Variants in CCSER1 observed in about 807,000 individuals in gnomAD.
CCSER1 encodes the protein serine-rich coiled-coil domain-containing protein 1.
CCSER1 carries 41 observed loss-of-function variants against 82.0 expected under a neutral mutation model. The ratio of observed to expected loss-of-function variants is 0.50; its 90% CI spans 0.39 to 0.65. The LOEUF (loss-of-function observed/expected upper bound fraction) is 0.65, where lower values mean the gene tolerates loss of function less well. Among genes scored for constraint, CCSER1 ranks in the 30% least tolerant of loss-of-function variants. The probability of loss-of-function intolerance (pLI) is 0.00; values close to 1 mark genes in which losing one functional copy is unlikely to be tolerated. For synonymous variants in CCSER1, 414 were observed against 383.9 expected, an observed-to-expected ratio of 1.08 and a Z score of -0.92; for missense variants, 1,119 against 1,064.2, an observed-to-expected ratio of 1.05 and a Z score of -0.72.
intron 7 of CCSER1, among the ~76,000 whole-genome samples, chr4:90,756,299 C>T (rs1433942038): frequency 6.6e-6 from 1 of 152,048 alleles, no homozygotes; most frequent in Admixed American, 6.6e-5. Context: ...ACTCTCTTTC[C>T]AAATTCTAAA....
chr4:91,026,703 C>A (rs1435873724), intron 9 of CCSER1, among the ~76,000 whole-genome samples: 3 of 151,860 alleles, frequency 2.0e-5, no homozygotes, highest in Non-Finnish European at 4.4e-5. Context: ...TCATTAGGTA[C>A]CATTTTAGCA....
chr4:90,908,446 T>C (rs1725825472), intron 8 of CCSER1, among the ~76,000 whole-genome samples: 1 of 152,142 alleles, frequency 6.6e-6, no homozygotes, highest in Non-Finnish European at 1.5e-5. Context: ...GGGCTGGCTG[T>C]ACATCATGGT....
intron 10 of CCSER1, among the ~76,000 whole-genome samples, chr4:91,485,419 A>T (rs1758163006): frequency 6.6e-6 from 1 of 152,166 alleles, no homozygotes; most frequent in South Asian, 2.1e-4. Context: ...AGATAATAGA[A>T]TTATAAGAGA....
chr4:90,746,143 C>T (rs536470189), intron 7 of CCSER1, among the ~76,000 whole-genome samples: 3 of 152,214 alleles, frequency 2.0e-5, no homozygotes, highest in African/African-American at 7.2e-5. Context: ...AATATGGAAC[C>T]ATAAAATTAT....
At chr4:90,145,713 T>C (rs1394026239) in intron 1 of CCSER1, among the ~76,000 whole-genome samples, 1 of 152,152 alleles carries the variant, frequency 6.6e-6, no homozygotes, top group Non-Finnish European at 1.5e-5. Flanking sequence ...AAGTGTTTTG[T>C]AATCAAAATT....
At chr4:91,520,622 T>C (rs1190075639) in intron 10 of CCSER1, among the ~76,000 whole-genome samples, 1 of 152,234 alleles carries the variant, frequency 6.6e-6, no homozygotes, top group African/African-American at 2.4e-5. Context: ...TTTTGCTCTT[T>C]GTTTCTTCAT....
intron 6 of CCSER1, among the ~76,000 whole-genome samples, chr4:90,701,033 G>A (rs1251003117): frequency 6.6e-6 from 1 of 152,098 alleles, no homozygotes; most frequent in African/African-American, 2.4e-5. Context: ...ATTGCTTTTG[G>A]TGTTTTAGAC....
intron 9 of CCSER1, among the ~76,000 whole-genome samples, chr4:90,943,625 C>T (rs1215889410): frequency 6.6e-6 from 1 of 151,490 alleles, no homozygotes; most frequent in Non-Finnish European, 1.5e-5. Flanking sequence ...TGCAGTGGTG[C>T]GATCATGGCT....
chr4:91,116,757 A>T (rs762088765), intron 10 of CCSER1, among the ~76,000 whole-genome samples: 69 of 152,172 alleles, frequency 4.5e-4, no homozygotes, highest in Non-Finnish European at 8.2e-4. Context: ...TCTCCAAGTG[A>T]TAAACAAAAA....
At position 91,404,770 on chromosome 4, in the gene CCSER1, T is replaced by A. The variant is rs576250023; in HGVS notation, c.2218-193802T>A. 9.2e-5 allele frequency among the ~76,000 whole-genome samples: 14 copies of A among 152,346 alleles called. 1 individual carries two copies. The South Asian group carries it at 2.9e-3, about 32-fold the overall frequency. On this transcript the variant is annotated intron_variant, in intron 10 of 10. Transcript: ENST00000509176. ...CCATTGTCTGAGAGACAGTTTGTTA[T>A]AATTTCTGTTCTTTTACATTTGCTG... is the stretch of plus-strand genomic sequence containing the variant.
At chr4:90,651,982 C>T (rs1728841510) in intron 6 of CCSER1, among the ~76,000 whole-genome samples, 1 of 152,096 alleles carries the variant, frequency 6.6e-6, no homozygotes, top group Non-Finnish European at 1.5e-5. Context: ...TTCATGCTAC[C>T]TGCTATATCC....
intron 1 of CCSER1, among the ~76,000 whole-genome samples, chr4:90,292,936 G>A (rs76090098): frequency 0.032 from 4,803 of 151,814 alleles, 199 homozygotes; most frequent in African/African-American, 0.096. Flanking sequence ...CATGTATTCC[G>A]ATTAGTACTT....
chr4:91,517,903 G>A (rs551631148), intron 10 of CCSER1, among the ~76,000 whole-genome samples: 11 of 135,878 alleles, frequency 8.1e-5, no homozygotes, highest in Admixed American at 2.9e-4. Context: ...GGTTTCACAG[G>A]GGGGGTATGA....
chr4:90,946,131 A>C (rs1242806736), intron 9 of CCSER1, among the ~76,000 whole-genome samples: 1 of 152,332 alleles, frequency 6.6e-6, no homozygotes, highest in East Asian at 1.9e-4. Context: ...TAAGAGTGAC[A>C]CTAATAATTA....
chr4:90,809,608 A>T (rs925228456), intron 7 of CCSER1, among the ~76,000 whole-genome samples: 1 of 152,146 alleles, frequency 6.6e-6, no homozygotes, highest in African/African-American at 2.4e-5. Context: ...TGATAAGTAC[A>T]CTAAAATCCT....
At chr4:90,151,081 T>C (rs1460260300) in intron 1 of CCSER1, among the ~76,000 whole-genome samples, 1 of 152,060 alleles carries the variant, frequency 6.6e-6, no homozygotes, top group Non-Finnish European at 1.5e-5. Flanking sequence ...ATATGAAAGA[T>C]TTAAAGAAAA....
intron 8 of CCSER1, among the ~76,000 whole-genome samples, chr4:90,875,564 G>A (rs1037279965): frequency 1.3e-5 from 2 of 152,198 alleles, no homozygotes; most frequent in African/African-American, 2.4e-5. Context: ...AATACAATAA[G>A]ATATGTGACA....
intron 10 of CCSER1, among the ~76,000 whole-genome samples, chr4:91,222,167 G>A (rs1414044071): frequency 6.6e-6 from 1 of 150,932 alleles, no homozygotes; most frequent in Non-Finnish European, 1.5e-5. Flanking sequence ...GATTTTCAGG[G>A]CTGAATGAAG....
chr4:91,364,466 C>T (rs1379431431), intron 10 of CCSER1, among the ~76,000 whole-genome samples: 2 of 151,994 alleles, frequency 1.3e-5, no homozygotes, highest in East Asian at 1.9e-4. Context: ...AGCACATGAG[C>T]GTTTCTGAGA....
Sources: allele counts gnomAD v4.1 joint callset (sites outside exome capture counted in the v4.1 genomes callset), GRCh38; gene constraint gnomAD v4.1.1; transcripts MANE v1.5; gene names NCBI Gene and HGNC (gene_info 2026-07-23, HGNC 2026-07-21).